Variants in NAV3 observed in about 807,000 individuals in gnomAD.
NAV3 encodes pore membrane and/or filament interacting like protein 1.
NAV3 carries 87 observed loss-of-function variants against 244.7 expected under a neutral mutation model. The observed-to-expected ratio is 0.36, with a 90% CI of 0.30 to 0.42. NAV3 has a LOEUF of 0.42. Ranked by LOEUF, NAV3 falls within the 20% of genes least tolerant of loss-of-function variation. The probability of loss-of-function intolerance (pLI) is 1.00; values close to 1 mark genes in which losing one functional copy is unlikely to be tolerated. For missense variants in NAV3, 2,663 were observed against 2,893.3 expected (o/e 0.92, Z 1.83); for synonymous variants, 1,126 against 1,042.2 (o/e 1.08, Z -1.55).
chr12:78,005,077 C>A (rs977778769), intron 7 of NAV3, among the ~76,000 whole-genome samples: 1 of 152,114 alleles, frequency 6.6e-6, no homozygotes, highest in African/African-American at 2.4e-5. Flanking sequence ...AAAAAAGCAT[C>A]CTGACTGGTT....
At position 78,140,417 on chromosome 12, in the gene NAV3, CA is replaced by C; in HGVS notation, c.4683+84del. On this transcript the variant is annotated intron_variant, in intron 20 of 39. Coordinates refer to ENST00000397909, the MANE Select transcript of NAV3 (RefSeq NM_001024383.2). ...ATAGATCATTTTACTGTGAACAGAT[CA>C]CATTCATCTATGACTTGCACAGGAG... 4 of 1,175,908 alleles carry C rather than the reference CA, an allele frequency of 3.4e-6. 1 individual carries two copies. In the South Asian group the frequency reaches 4.9e-5, roughly 15 times the overall value. The allele number at this position is 1,175,908 out of a possible 1,614,324, so 72.8% of individuals were successfully genotyped here. A position where few individuals can be genotyped will look rare whatever the true frequency, so the allele number is the denominator to read the frequency against.
intron 2 of NAV3, among the ~76,000 whole-genome samples, chr12:77,709,064 C>A (rs1038566361): frequency 7.9e-5 from 12 of 152,140 alleles, no homozygotes; most frequent in African/African-American, 2.7e-4. Context: ...CTTTCTCCTG[C>A]CTGATTGCCC....
At chr12:77,771,440 T>A (rs1325740139) in intron 2 of NAV3, among the ~76,000 whole-genome samples, 1 of 151,232 alleles carries the variant, frequency 6.6e-6, no homozygotes, top group Non-Finnish European at 1.5e-5. Context: ...CTATAAATCA[T>A]GCTGCTATAA....
intron 2 of NAV3, among the ~76,000 whole-genome samples, chr12:77,776,845 G>T (rs1870387275): frequency 6.6e-6 from 1 of 152,136 alleles, no homozygotes; most frequent in African/African-American, 2.4e-5. Context: ...GCCCGGTCTG[G>T]TGGAGTATGA....
intron 1 of NAV3, among the ~76,000 whole-genome samples, chr12:77,916,288 T>C (rs1887135980): frequency 6.6e-6 from 1 of 152,078 alleles, no homozygotes; most frequent in Admixed American, 6.6e-5. Context: ...TATGGACAAC[T>C]GCTCCAATAT....
chr12:77,942,738 AT>A (rs1405301902), intron 3 of NAV3, among the ~76,000 whole-genome samples: 1 of 152,224 alleles, frequency 6.6e-6, no homozygotes, highest in Non-Finnish European at 1.5e-5. Context: ...GAATGTGACA[AT>A]GAGATATGTA....
chr12:77,623,242 AAAAAT>A (rs1469213362), intron 2 of NAV3, among the ~76,000 whole-genome samples: 2 of 152,226 alleles, frequency 1.3e-5, no homozygotes, highest in African/African-American at 4.8e-5. Flanking sequence ...AGATAAGATC[AAAAAT>A]AAAATAACAA....
chr12:77,946,977 T>G (rs958151800), intron 3 of NAV3, among the ~76,000 whole-genome samples: 4 of 152,110 alleles, frequency 2.6e-5, no homozygotes, highest in African/African-American at 9.7e-5. Flanking sequence ...ATCTGGCAAA[T>G]GTATTTCACA....
chr12:77,709,751 C>G (rs906457054), intron 2 of NAV3, among the ~76,000 whole-genome samples: 7 of 152,180 alleles, frequency 4.6e-5, no homozygotes, highest in Non-Finnish European at 8.8e-5. Context: ...TTCTGTCTCC[C>G]TCATCAAATT....
At chr12:77,686,617 C>T (rs74104990) in intron 2 of NAV3, among the ~76,000 whole-genome samples, 3,650 of 151,978 alleles carry the variant, frequency 0.024, 150 homozygotes, top group African/African-American at 0.083. Context: ...CATAGGTGCT[C>T]AGTACTTTTC....
chr12:78,035,527 A>G (rs929275142), intron 9 of NAV3, among the ~76,000 whole-genome samples: 5 of 152,352 alleles, frequency 3.3e-5, no homozygotes, highest in African/African-American at 1.2e-4. Context: ...TTATGAAAAC[A>G]TTAAGAAATA....
intron 2 of NAV3, among the ~76,000 whole-genome samples, chr12:77,685,488 C>CACACACACACAA (rs1348979535): frequency 0.042 from 6,384 of 150,504 alleles, 288 homozygotes; most frequent in African/African-American, 0.12. Flanking sequence ...CACACACACA[C>CACACACACACAA]ACACACACAC....
chr12:77,958,157 AT>A (rs2137778752), intron 3 of NAV3, among the ~76,000 whole-genome samples: 1 of 152,322 alleles, frequency 6.6e-6, no homozygotes, highest in Admixed American at 6.5e-5. Flanking sequence ...ACATGTTTAT[AT>A]TTAGCAAGTA....
intron 1 of NAV3, among the ~76,000 whole-genome samples, chr12:77,832,838 T>G (rs1873953804): frequency 6.6e-6 from 1 of 152,202 alleles, no homozygotes; most frequent in African/African-American, 2.4e-5. Context: ...CACTTTTTAA[T>G]GCAGCATTAA....
At chr12:78,123,158 T>G (rs371604764) in intron 16 of NAV3, among the ~76,000 whole-genome samples, 3 of 152,106 alleles carry the variant, frequency 2.0e-5, no homozygotes, top group Admixed American at 2.0e-4. Flanking sequence ...CTCTCTTGAT[T>G]ATACTGTACT....
chr12:77,796,315 G>A (rs1871404888), intron 2 of NAV3, among the ~76,000 whole-genome samples: 1 of 152,122 alleles, frequency 6.6e-6, no homozygotes, highest in Non-Finnish European at 1.5e-5. Context: ...CTGCAGTTGT[G>A]GTGGAAAAAG....
At chr12:77,784,562 G>A (rs1249191171) in intron 2 of NAV3, among the ~76,000 whole-genome samples, 1 of 152,090 alleles carries the variant, frequency 6.6e-6, no homozygotes, top group Non-Finnish European at 1.5e-5. Flanking sequence ...AATCTATTGG[G>A]ACACTTCACT....
chr12:77,741,677 A>G (rs1378264822), intron 2 of NAV3, among the ~76,000 whole-genome samples: 1 of 152,162 alleles, frequency 6.6e-6, no homozygotes, highest in Non-Finnish European at 1.5e-5. Flanking sequence ...ATATTTGAAT[A>G]AAAGGGTGGC....
intron 2 of NAV3, among the ~76,000 whole-genome samples, chr12:77,612,985 G>A (rs866558249): frequency 1.3e-4 from 20 of 152,158 alleles, no homozygotes; most frequent in African/African-American, 4.6e-4. Flanking sequence ...GAAGAAGGAT[G>A]TATTTACTTC....
Sources: gnomAD v4.1 joint callset for allele counts (sites outside exome capture counted in the v4.1 genomes callset) on GRCh38, gnomAD v4.1.1 for gene constraint, MANE v1.5 for transcripts, NCBI Gene and HGNC (gene_info 2026-07-23, HGNC 2026-07-21) for gene names.